The following C5orf63 variants were observed in gnomAD, a reference collection of about 807,000 sequenced individuals.
C5orf63 encodes the protein chromosome 5 open reading frame 63.
Under a neutral mutation model 13.3 loss-of-function variants are expected in C5orf63, and 18 were observed. That is an observed-to-expected ratio of 1.36 (90% CI 0.94 to 2.01). C5orf63 has a LOEUF of 2.01. Ranked by LOEUF, C5orf63 falls within the 30% of genes most tolerant of loss-of-function variation. The pLI is 0.00. For synonymous variants in C5orf63, 38 were observed against 44.7 expected (o/e 0.85, Z 0.60); for missense variants, 118 against 127.7 (o/e 0.92, Z 0.36).
intron 2 of C5orf63, among the ~76,000 whole-genome samples, chr5:127,065,334 T>C (rs764936614): frequency 2.6e-5 from 4 of 152,060 alleles, no homozygotes; most frequent in Admixed American, 6.6e-5. Flanking sequence ...ATACAGGAAA[T>C]ACTGTAACAG....
chr5:127,053,574 C>T (rs1394379569), intron 3 of C5orf63, among the ~76,000 whole-genome samples: 1 of 152,138 alleles, frequency 6.6e-6, no homozygotes, highest in Non-Finnish European at 1.5e-5. Context: ...CTAATGCTAT[C>T]CCTCCCTGCT....
downstream of C5orf63, chr5:127,047,645 C>T: frequency 1.4e-6 from 1 of 695,592 alleles, no homozygotes; most frequent in South Asian, 1.5e-5. Flanking sequence ...TCCCTCTATT[C>T]CTATATATTT....
chr5:127,053,823 C>T (rs1218738878), intron 3 of C5orf63, among the ~76,000 whole-genome samples: 1 of 152,130 alleles, frequency 6.6e-6, no homozygotes, highest in Non-Finnish European at 1.5e-5. Flanking sequence ...TTTCTTAATC[C>T]AGTCTATCAC....
Position 127,053,129 on chromosome 5 carries a change from A to G in C5orf63, c.115-460T>C, listed in dbSNP as rs955211242. ...CTAATCAGTCCACAGGAAGAAACCCATTAGGATGGAGTCAGATAGTAATTG... is the reference window on the plus strand; with the variant it reads ...CTAATCAGTCCACAGGAAGAAACCCGTTAGGATGGAGTCAGATAGTAATTG... On this transcript the variant is annotated intron_variant, in intron 3 of 4. Transcript: ENST00000296662. 3.3e-5 allele frequency among the ~76,000 whole-genome samples: 5 copies of G among 152,338 alleles called. No individual in the cohort carries two copies. In the East Asian group the frequency reaches 5.8e-4, roughly 18 times the overall value.
exon 5 of C5orf63, chr5:127,046,187 T>C (rs58371737): frequency 0.017 from 2,556 of 152,368 alleles, 61 homozygotes; most frequent in African/African-American, 0.059. Context: ...ATGTCTTACC[T>C]TTCCCATCCA....
chr5:127,053,138 G>A (rs1172243967), intron 3 of C5orf63, among the ~76,000 whole-genome samples: 2 of 152,152 alleles, frequency 1.3e-5, no homozygotes, highest in African/African-American at 4.8e-5. Context: ...CATTAGGATG[G>A]AGTCAGATAG....
At chr5:127,050,766 A>T (rs553617075), downstream of C5orf63, among the ~76,000 whole-genome samples, 1 of 152,334 alleles carries the variant, frequency 6.6e-6, no homozygotes, top group East Asian at 1.9e-4. Flanking sequence ...GATCAAATTA[A>T]AATCTAGTGA....
At chr5:127,056,337 CT>C (rs1753884972) in intron 3 of C5orf63, 1 of 152,258 alleles carries the variant, frequency 6.6e-6, no homozygotes, top group South Asian at 2.1e-4. Context: ...TTTCATGCTG[CT>C]GATAAATATA....
At chr5:127,069,286 A>G (rs1754444106) in intron 2 of C5orf63, among the ~76,000 whole-genome samples, 1 of 152,220 alleles carries the variant, frequency 6.6e-6, no homozygotes, top group Non-Finnish European at 1.5e-5. Flanking sequence ...CTTAACCAAC[A>G]TGACCCATTC....
chr5:127,055,288 C>T lies in C5orf63; in HGVS notation c.115-2619G>A, dbSNP rs955944465. 1.2e-4 allele frequency among the ~76,000 whole-genome samples: 19 copies of T among 152,236 alleles called. 1 individual carries two copies. The highest frequency in any genetic ancestry group is 8.3e-4 in the South Asian group (4 of 4,820). Reference sequence around the variant, plus strand: ...GTTCATATGGAACCAAAAAAGAGCCCGCATTGCCAAGACAATCCTAAGCAA... The same window carrying T: ...GTTCATATGGAACCAAAAAAGAGCCTGCATTGCCAAGACAATCCTAAGCAA... On this transcript the variant is annotated intron_variant, in intron 3 of 4. Coordinates refer to ENST00000296662, the MANE Select transcript of C5orf63 (RefSeq NM_001164478.2).
chr5:127,058,469 G>A (rs916245012), intron 3 of C5orf63, among the ~76,000 whole-genome samples: 1 of 152,092 alleles, frequency 6.6e-6, no homozygotes, highest in African/African-American at 2.4e-5. Context: ...TATTTGGTAG[G>A]CTGATGAAAA....
downstream of C5orf63, chr5:127,044,546 G>A (rs968835477): frequency 6.6e-6 from 1 of 152,130 alleles, no homozygotes; most frequent in Non-Finnish European, 1.5e-5. Context: ...TGTCAATAGA[G>A]AGGTACCAAA....
In C5orf63 at chr5:127,051,949, T is replaced by G; in HGVS notation, c.172-2A>C. 1.3e-6 allele frequency: 2 copies of G among 1,497,656 alleles called. No homozygotes were observed. The highest frequency in any genetic ancestry group is 1.3e-5 in the South Asian group (1 of 76,420). The allele number at this position is 1,497,656 out of a possible 1,614,324, so 92.8% of individuals were successfully genotyped here. A position where few individuals can be genotyped will look rare whatever the true frequency, so the allele number is the denominator to read the frequency against. ...GATGTTCACCTCCTGTAAAATGAAC[T>G]GAAACAGAGACAGACTAAAGCTCTG... On this transcript the variant is annotated splice_acceptor_variant, in intron 4 of 4. Coordinates refer to ENST00000296662, the MANE Select transcript of C5orf63 (RefSeq NM_001164478.2). LOFTEE classifies it high-confidence loss of function.
chr5:127,048,198 C>T (rs1177129243), downstream of C5orf63, among the ~76,000 whole-genome samples: 2 of 151,296 alleles, frequency 1.3e-5, no homozygotes, highest in Admixed American at 1.3e-4. Context: ...AACGAAGGTG[C>T]CCTCATACCA....
intron 2 of C5orf63, among the ~76,000 whole-genome samples, chr5:127,065,015 T>G (rs1178120160): frequency 6.6e-6 from 1 of 152,210 alleles, no homozygotes; most frequent in Non-Finnish European, 1.5e-5. Flanking sequence ...TGCCTGCTGT[T>G]TAGCTCATTT....
downstream of C5orf63, among the ~76,000 whole-genome samples, chr5:127,048,875 C>A (rs143325668): frequency 1.2e-3 from 188 of 152,296 alleles, no homozygotes; most frequent in African/African-American, 4.1e-3. Context: ...GTTGAGCAGA[C>A]ACTGAAAGAA....
chr5:127,059,062 T>C (rs1162864128), intron 2 of C5orf63, 60 bp from the exon 3 acceptor site: 6 of 965,350 alleles, frequency 6.2e-6, no homozygotes, highest in South Asian at 1.4e-5. Context: ...CCTTACAATA[T>C]GGACAGTAAT....
chr5:127,045,408 T>C (rs1728187656), exon 5 of C5orf63: 1 of 152,252 alleles, frequency 6.6e-6, no homozygotes, highest in African/African-American at 2.4e-5. Flanking sequence ...CTTTCTTGTA[T>C]CACTCCAACC....
downstream of C5orf63, among the ~76,000 whole-genome samples, chr5:127,048,375 T>C (rs960984537): frequency 8.5e-5 from 13 of 152,120 alleles, no homozygotes; most frequent in African/African-American, 2.7e-4. Flanking sequence ...TGCTAAACTA[T>C]CTCTTGCCTG....
Sources: allele counts gnomAD v4.1 joint callset (sites outside exome capture counted in the v4.1 genomes callset), GRCh38; gene constraint gnomAD v4.1.1; transcripts MANE v1.5; gene names NCBI Gene and HGNC (gene_info 2026-07-23, HGNC 2026-07-21).